ASIC2: variants seen among roughly 807,000 people sequenced by gnomAD.
The protein encoded by ASIC2 is acid-sensing ion channel 2.
Under a neutral mutation model 57.3 loss-of-function variants are expected in ASIC2, and 25 were observed. That is an observed-to-expected ratio of 0.44 (90% CI 0.32 to 0.61). The LOEUF (loss-of-function observed/expected upper bound fraction) is 0.61, where lower values mean the gene tolerates loss of function less well. Among genes scored for constraint, ASIC2 ranks in the 20% least tolerant of loss-of-function variants. The pLI, the probability that ASIC2 is intolerant of heterozygous loss-of-function variation, is 0.06. For synonymous variants in ASIC2, 319 were observed against 307.5 expected (o/e 1.04, Z -0.39); for missense variants, 641 against 738.1 (o/e 0.87, Z 1.52).
chr17:34,067,547 T>C (rs1316755445), intron 1 of ASIC2, among the ~76,000 whole-genome samples: 1 of 152,220 alleles, frequency 6.6e-6, no homozygotes, highest in African/African-American at 2.4e-5. Context: ...ATTATAAGTA[T>C]GAATACTTTG....
intron 3 of ASIC2, among the ~76,000 whole-genome samples, chr17:33,046,612 C>T (rs1042204904): frequency 3.9e-5 from 6 of 152,096 alleles, no homozygotes; most frequent in African/African-American, 1.4e-4. Context: ...CATGCTCCCC[C>T]ACCACAACCT....
chr17:33,225,990 T>C (rs1046417047), intron 1 of ASIC2, among the ~76,000 whole-genome samples: 1 of 152,202 alleles, frequency 6.6e-6, no homozygotes, highest in African/African-American at 2.4e-5. Context: ...TGCCAGGCAG[T>C]ATCATAAAGA....
At chr17:33,040,671 G>C (rs981581324) in intron 3 of ASIC2, among the ~76,000 whole-genome samples, 1 of 152,244 alleles carries the variant, frequency 6.6e-6, no homozygotes, top group African/African-American at 2.4e-5. Context: ...CCCTGGCTTA[G>C]AGCCAGCAGA....
intron 1 of ASIC2, among the ~76,000 whole-genome samples, chr17:34,122,933 T>C (rs1020014997): frequency 6.6e-6 from 1 of 152,216 alleles, no homozygotes; most frequent in Non-Finnish European, 1.5e-5. Flanking sequence ...TATCGTCAAG[T>C]AATAAAATAT....
intron 1 of ASIC2, among the ~76,000 whole-genome samples, chr17:33,397,810 T>C (rs1910134214): frequency 6.6e-6 from 1 of 152,238 alleles, no homozygotes; most frequent in Non-Finnish European, 1.5e-5. Context: ...ATCTTCCACT[T>C]CTACAACACT....
At chr17:33,751,579 T>C (rs1031303086) in intron 1 of ASIC2, among the ~76,000 whole-genome samples, 1 of 152,178 alleles carries the variant, frequency 6.6e-6, no homozygotes, top group African/African-American at 2.4e-5. Flanking sequence ...CCATTGATTT[T>C]CCTAACATAC....
chr17:33,780,935 C>T (rs979787706), intron 1 of ASIC2, among the ~76,000 whole-genome samples: 2 of 152,226 alleles, frequency 1.3e-5, no homozygotes, highest in African/African-American at 4.8e-5. Context: ...TCAGTTCTCT[C>T]ATCCATAAAA....
intron 1 of ASIC2, among the ~76,000 whole-genome samples, chr17:33,845,511 A>T (rs906821489): frequency 2.6e-5 from 4 of 151,210 alleles, no homozygotes; most frequent in Non-Finnish European, 1.5e-5. Context: ...GGAGGAACAG[A>T]GTGGCTCTGC....
chr17:34,115,995 G>A (rs920041597), intron 1 of ASIC2, among the ~76,000 whole-genome samples: 3 of 152,202 alleles, frequency 2.0e-5, no homozygotes, highest in Admixed American at 2.0e-4. Flanking sequence ...AGAAGGGCAG[G>A]AAGAAAGGGA....
chr17:33,308,298 C>T (rs1287851573), intron 1 of ASIC2, among the ~76,000 whole-genome samples: 1 of 152,232 alleles, frequency 6.6e-6, no homozygotes, highest in African/African-American at 2.4e-5. Context: ...ACATCTTCCT[C>T]CTCCCCTCTT....
intron 1 of ASIC2, among the ~76,000 whole-genome samples, chr17:33,600,317 G>A (rs727636): frequency 2.9e-4 from 44 of 152,280 alleles, no homozygotes; most frequent in South Asian, 1.5e-3. Flanking sequence ...ATGACATAGC[G>A]AGAAGGTCCT....
At chr17:33,329,478 ACCT>A (rs376064164) in intron 1 of ASIC2, among the ~76,000 whole-genome samples, 4 of 152,202 alleles carry the variant, frequency 2.6e-5, no homozygotes, top group African/African-American at 9.6e-5. Context: ...AGCTGCTCAG[ACCT>A]CCTTTTTCAC....
intron 1 of ASIC2, among the ~76,000 whole-genome samples, chr17:33,325,504 C>A (rs1036753594): frequency 1.3e-5 from 2 of 152,056 alleles, no homozygotes; most frequent in Non-Finnish European, 2.9e-5. Flanking sequence ...AAGGGTGGTG[C>A]ATGGGGAATG....
chr17:33,523,353 T>C (rs1914797578), intron 1 of ASIC2, among the ~76,000 whole-genome samples: 1 of 152,132 alleles, frequency 6.6e-6, no homozygotes, highest in East Asian at 1.9e-4. Flanking sequence ...TACTCCCAGA[T>C]TTAAGCAATT....
chr17:34,122,748 A>AC (rs1161203321), intron 1 of ASIC2, among the ~76,000 whole-genome samples: 1 of 152,148 alleles, frequency 6.6e-6, no homozygotes, highest in East Asian at 1.9e-4. Context: ...CCCACCCCAC[A>AC]CCTTGTTGGA....
At chr17:33,710,342 C>T (rs1191718837) in intron 1 of ASIC2, among the ~76,000 whole-genome samples, 1 of 152,144 alleles carries the variant, frequency 6.6e-6, no homozygotes, top group Non-Finnish European at 1.5e-5. Flanking sequence ...CAGTTAGATC[C>T]CACACACACA....
At chr17:33,388,640 T>C (rs1478577454) in intron 1 of ASIC2, among the ~76,000 whole-genome samples, 1 of 152,226 alleles carries the variant, frequency 6.6e-6, no homozygotes, top group Non-Finnish European at 1.5e-5. Context: ...CTAGGAATAA[T>C]TTGGTCCAGA....
At chr17:33,584,618 T>C (rs4144279) in intron 1 of ASIC2, among the ~76,000 whole-genome samples, 9,868 of 152,070 alleles carry the variant, frequency 0.065, 539 homozygotes, top group East Asian at 0.3. Flanking sequence ...CAACCAGGGC[T>C]GCTAGCTGAG....
At chr17:33,731,917 G>A (rs763221433) in intron 1 of ASIC2, among the ~76,000 whole-genome samples, 3 of 152,100 alleles carry the variant, frequency 2.0e-5, no homozygotes, top group Non-Finnish European at 4.4e-5. Context: ...TGTGATATGT[G>A]TACCCAACAG....
Sources: gnomAD v4.1 joint callset for allele counts (sites outside exome capture counted in the v4.1 genomes callset) on GRCh38, gnomAD v4.1.1 for gene constraint, MANE v1.5 for transcripts, NCBI Gene and HGNC (gene_info 2026-07-23, HGNC 2026-07-21) for gene names.